The following BLTP3A variants were observed in gnomAD, a reference collection of about 807,000 sequenced individuals.
The protein encoded by BLTP3A is ICBP90 binding protein 1.
the BLTP3A span, among the ~76,000 whole-genome samples, chr6:34,793,967 C>T: frequency 6.6e-6 from 1 of 151,608 alleles, no homozygotes; most frequent in South Asian, 2.1e-4. Context: ...GTTTGTCCAG[C>T]CCAGCCAACA....
At chr6:34,858,790 G>T in the BLTP3A span, 1 of 1,614,084 alleles carries the variant, frequency 6.2e-7, no homozygotes, top group South Asian at 1.1e-5. Flanking sequence ...AGAGCTGGAG[G>T]ATGTAGCAGA....
At chr6:34,822,749 C>T in the BLTP3A span, among the ~76,000 whole-genome samples, 4 of 150,950 alleles carry the variant, frequency 2.6e-5, no homozygotes, top group South Asian at 2.1e-4. Flanking sequence ...CCCAGCTACT[C>T]GGGAGGCTGG....
At chr6:34,875,021 T>A in the BLTP3A span, 3 of 152,654 alleles carry the variant, frequency 2.0e-5, no homozygotes, top group Admixed American at 2.0e-4. Flanking sequence ...AAGGACCCGG[T>A]CCTGTACTAC....
chr6:34,822,628 GGT>G, the BLTP3A span, among the ~76,000 whole-genome samples: 6 of 152,008 alleles, frequency 3.9e-5, no homozygotes, highest in South Asian at 1.2e-3. Context: ...GGCAGAGGTG[GGT>G]AGATTACCTG....
chr6:34,847,112 G>C, the BLTP3A span, among the ~76,000 whole-genome samples: 10,312 of 152,192 alleles, frequency 0.068, 564 homozygotes, highest in East Asian at 0.33. Flanking sequence ...ATAAATCCCT[G>C]TTGGTCAGGA....
the BLTP3A span, among the ~76,000 whole-genome samples, chr6:34,805,850 A>G: frequency 6.6e-6 from 1 of 152,080 alleles, no homozygotes; most frequent in Admixed American, 6.6e-5. Context: ...TCTCAGAGCA[A>G]TAGCATCCTT....
chr6:34,841,583 A>G, the BLTP3A span, among the ~76,000 whole-genome samples: 1 of 152,196 alleles, frequency 6.6e-6, no homozygotes, highest in East Asian at 1.9e-4. Context: ...ATCATCACAG[A>G]AAGTTCTTTG....
At chr6:34,862,693 G>A in the BLTP3A span, among the ~76,000 whole-genome samples, 1 of 151,820 alleles carries the variant, frequency 6.6e-6, no homozygotes, top group Admixed American at 6.6e-5. Context: ...AATTAGCTGA[G>A]TGTGTTGGCA....
At chr6:34,835,773 C>T in the BLTP3A span, among the ~76,000 whole-genome samples, 1 of 152,076 alleles carries the variant, frequency 6.6e-6, no homozygotes, top group Admixed American at 6.5e-5. Context: ...GTGATAAATG[C>T]TGTAATACAA....
the BLTP3A span, among the ~76,000 whole-genome samples, chr6:34,868,574 A>T: frequency 6.6e-6 from 1 of 151,368 alleles, no homozygotes; most frequent in Non-Finnish European, 1.5e-5. Flanking sequence ...ATACAAAAAA[A>T]TTAGCTAGGT....
the BLTP3A span, among the ~76,000 whole-genome samples, chr6:34,807,156 G>A: frequency 2.4e-4 from 36 of 152,250 alleles, no homozygotes; most frequent in African/African-American, 7.7e-4. Context: ...GTCAAGAAGC[G>A]GAAGTAAAGG....
chr6:34,798,600 T>C, the BLTP3A span, among the ~76,000 whole-genome samples: 1 of 148,284 alleles, frequency 6.7e-6, no homozygotes, highest in African/African-American at 2.5e-5. Context: ...CTTTCTTTTT[T>C]TTTTTTTTTT....
the BLTP3A span, among the ~76,000 whole-genome samples, chr6:34,818,601 G>A: frequency 6.6e-6 from 1 of 152,256 alleles, no homozygotes; most frequent in East Asian, 1.9e-4. Context: ...GTATGGAGTA[G>A]CGTAATGAAA....
the BLTP3A span, among the ~76,000 whole-genome samples, chr6:34,836,875 AT>A: frequency 1.3e-5 from 2 of 152,190 alleles, no homozygotes; most frequent in African/African-American, 2.4e-5. Flanking sequence ...ATGTGTTTGT[AT>A]TTATTCAGAA....
chr6:34,846,437 C>T, the BLTP3A span, among the ~76,000 whole-genome samples: 1 of 151,944 alleles, frequency 6.6e-6, no homozygotes, highest in Admixed American at 6.6e-5. Flanking sequence ...GAGCCCAGCC[C>T]TCCTCAGTTT....
the BLTP3A span, among the ~76,000 whole-genome samples, chr6:34,845,319 C>G: frequency 6.6e-6 from 1 of 152,054 alleles, no homozygotes; most frequent in African/African-American, 2.4e-5. Context: ...GCTCAGCTGG[C>G]TTGGCTATTC....
chr6:34,870,706 T>C, the BLTP3A span: 1 of 1,097,746 alleles, frequency 9.1e-7, no homozygotes, highest in East Asian at 2.6e-5. Flanking sequence ...TATGTAATTT[T>C]GGGCAAGTTA....
the BLTP3A span, among the ~76,000 whole-genome samples, chr6:34,832,443 T>C: frequency 6.6e-6 from 1 of 150,714 alleles, no homozygotes; most frequent in Non-Finnish European, 1.5e-5. Flanking sequence ...TTCTTTTTCT[T>C]TTTTTTTTCT....
the BLTP3A span, chr6:34,856,808 G>A: frequency 1.2e-4 from 195 of 1,613,312 alleles, 2 homozygotes; most frequent in Middle Eastern, 1.2e-3. Flanking sequence ...TCCAGTCCTC[G>A]AAAGAACCCT....
Sources: gnomAD v4.1 joint callset for allele counts (sites outside exome capture counted in the v4.1 genomes callset) on GRCh38, gnomAD v4.1.1 for gene constraint, MANE v1.5 for transcripts, NCBI Gene and HGNC (gene_info 2026-07-23, HGNC 2026-07-21) for gene names.